PACRG: variants seen among roughly 807,000 people sequenced by gnomAD.
PACRG encodes parkin coregulated.
PACRG carries 29 observed loss-of-function variants against 29.7 expected under a neutral mutation model. The ratio of observed to expected loss-of-function variants is 0.98; its 90% CI spans 0.73 to 1.33. The LOEUF is 1.33. Among genes scored for constraint, PACRG ranks in the 40% most tolerant of loss-of-function variants. The pLI is 0.00. For synonymous variants in PACRG, 116 were observed against 118.7 expected (o/e 0.98, Z 0.15); for missense variants, 279 against 316.2 (o/e 0.88, Z 0.89).
At chr6:162,799,706 GT>G (rs1785692400) in intron 1 of PACRG, among the ~76,000 whole-genome samples, 1 of 151,460 alleles carries the variant, frequency 6.6e-6, no homozygotes, top group African/African-American at 2.4e-5. Context: ...AATAGCTATA[GT>G]TTTTTCTTCT....
intron 2 of PACRG, among the ~76,000 whole-genome samples, chr6:163,046,320 A>C (rs1585081911): frequency 1.0e-5 from 1 of 99,976 alleles, no homozygotes; most frequent in Admixed American, 1.1e-4. Flanking sequence ...GCTTTTTTCC[A>C]CGTAGCCTTG....
chr6:163,062,961 G>T (rs185486066), intron 3 of PACRG, among the ~76,000 whole-genome samples: 2 of 152,170 alleles, frequency 1.3e-5, no homozygotes, highest in East Asian at 3.9e-4. Context: ...TGGGGTTCCA[G>T]AACACTCTCT....
chr6:162,994,360 G>A (rs1337437228), intron 2 of PACRG, among the ~76,000 whole-genome samples: 3 of 149,940 alleles, frequency 2.0e-5, no homozygotes, highest in South Asian at 2.1e-4. Context: ...TCCATTCTCC[G>A]CATCACTTTC....
intron 2 of PACRG, among the ~76,000 whole-genome samples, chr6:162,962,235 C>T (rs950333678): frequency 7.2e-5 from 11 of 152,156 alleles, no homozygotes; most frequent in African/African-American, 2.7e-4. Context: ...GCCTAATGCC[C>T]TTTACCAGGC....
At chr6:163,247,457 T>A (rs1782737779) in intron 4 of PACRG, among the ~76,000 whole-genome samples, 1 of 152,184 alleles carries the variant, frequency 6.6e-6, no homozygotes, top group Non-Finnish European at 1.5e-5. Context: ...GTTTATCTTC[T>A]AAAAAATTAA....
chr6:162,797,072 T>A (rs759253253), intron 1 of PACRG, among the ~76,000 whole-genome samples: 1 of 151,862 alleles, frequency 6.6e-6, no homozygotes, highest in Non-Finnish European at 1.5e-5. Context: ...AGGTCAGGAG[T>A]TCGAGACCAG....
chr6:162,728,175 C>G lies in PACRG; in HGVS notation c.-61C>G, dbSNP rs1584143776. On this transcript the variant is annotated 5_prime_UTR_variant, in exon 1 of 5. In the 5' UTR this introduces an upstream ATG that the reference lacks. Coordinates refer to ENST00000366888, the MANE Select transcript of PACRG (RefSeq NM_001080379.2). ...TTTTTTCCAGACCTCCTGCTCACAT[C>G]CGTAAAGCCCACTGATTCTTTTACT... The G allele has an allele frequency of 1.3e-6, 2 of 1,575,110 alleles. No individual in the cohort carries two copies. Among genetic ancestry groups the G allele is most frequent in the East Asian group, 4.5e-5 (2 of 44,428 alleles).
At chr6:163,154,092 C>T (rs1778216424) in intron 4 of PACRG, among the ~76,000 whole-genome samples, 1 of 152,192 alleles carries the variant, frequency 6.6e-6, no homozygotes, top group Admixed American at 6.5e-5. Context: ...GAGGGATGTC[C>T]CAGTCTCAGA....
intron 3 of PACRG, among the ~76,000 whole-genome samples, chr6:163,072,841 A>C (rs985500618): frequency 6.6e-6 from 1 of 152,174 alleles, no homozygotes; most frequent in South Asian, 2.1e-4. Context: ...AAATTTTACA[A>C]TGTAGTCCCA....
At chr6:163,269,943 G>GAAAGAAAGAAAGAAAGAAAGAAAAC (rs1783733660) in intron 4 of PACRG, among the ~76,000 whole-genome samples, 2 of 27,048 alleles carry the variant, frequency 7.4e-5, no homozygotes, top group South Asian at 1.7e-3. Context: ...AAGAAAGAAA[G>GAAAGAAAGAAAGAAAGAAAGAAAAC]AAAGAAAGAA....
intron 4 of PACRG, among the ~76,000 whole-genome samples, chr6:163,261,476 T>A (rs1056650518): frequency 1.3e-5 from 2 of 151,970 alleles, no homozygotes; most frequent in African/African-American, 4.8e-5. Flanking sequence ...CCTCATACCC[T>A]CTTTGCTGGC....
chr6:162,973,919 A>C (rs9456825), intron 2 of PACRG, among the ~76,000 whole-genome samples: 2,128 of 152,322 alleles, frequency 0.014, 53 homozygotes, highest in African/African-American at 0.049. Flanking sequence ...TTCAGAAAAA[A>C]TAAAGACAAG....
intron 2 of PACRG, among the ~76,000 whole-genome samples, chr6:162,947,364 A>G (rs1312712009): frequency 3.6e-5 from 2 of 55,594 alleles, no homozygotes; most frequent in Non-Finnish European, 3.4e-5. Flanking sequence ...TATATAATGT[A>G]ATCATATATA....
chr6:162,867,079 G>A (rs1792359093), intron 2 of PACRG, among the ~76,000 whole-genome samples: 1 of 152,100 alleles, frequency 6.6e-6, no homozygotes, highest in Non-Finnish European at 1.5e-5. Context: ...TGGGCAATAG[G>A]TCTCCACTCC....
intron 2 of PACRG, among the ~76,000 whole-genome samples, chr6:162,910,157 T>C (rs893262915): frequency 1.3e-5 from 2 of 152,216 alleles, no homozygotes; most frequent in African/African-American, 4.8e-5. Flanking sequence ...TCTTTAATCT[T>C]CACCAACTCT....
rs868704622 is a variant in PACRG at position 163,154,520 on chromosome 6, C to T, written c.613+65112C>T. Among the ~76,000 whole-genome samples the T allele has an allele frequency of 8.5e-5, 13 of 152,126 alleles. No homozygotes were observed. In the South Asian group the frequency reaches 1.5e-3, roughly 17 times the overall value. On this transcript the variant is annotated intron_variant, in intron 4 of 4. Coordinates refer to ENST00000366888, the MANE Select transcript of PACRG (RefSeq NM_001080379.2). ...GACAGACAAAAGGACTGGAAAGCTA[C>T]GGGGGAGAAAAGGAATTAAATAAGC...
chr6:162,943,389 C>T (rs1440421024), intron 2 of PACRG, among the ~76,000 whole-genome samples: 1 of 152,166 alleles, frequency 6.6e-6, no homozygotes, highest in Non-Finnish European at 1.5e-5. Context: ...CAGCAGTGGG[C>T]TGTTGTGCAT....
chr6:163,130,685 C>G (rs1018499686), intron 4 of PACRG, among the ~76,000 whole-genome samples: 5 of 152,170 alleles, frequency 3.3e-5, no homozygotes, highest in African/African-American at 1.2e-4. Flanking sequence ...CTGGGCCTCT[C>G]CCCCATACCT....
intron 4 of PACRG, among the ~76,000 whole-genome samples, chr6:163,150,143 G>A (rs1001786334): frequency 9.9e-5 from 15 of 152,186 alleles, no homozygotes; most frequent in Admixed American, 9.8e-4. Flanking sequence ...GCAGGCTGTG[G>A]AGGTCTGCCA....
Sources: gnomAD v4.1 joint callset for allele counts (sites outside exome capture counted in the v4.1 genomes callset) on GRCh38, gnomAD v4.1.1 for gene constraint, MANE v1.5 for transcripts, NCBI Gene and HGNC (gene_info 2026-07-23, HGNC 2026-07-21) for gene names.